PLCXD3: variants seen among roughly 807,000 people sequenced by gnomAD.
The protein encoded by PLCXD3 is PI-PLC X domain-containing protein 3.
PLCXD3 carries 19 observed loss-of-function variants against 25.5 expected under a neutral mutation model. The observed-to-expected ratio is 0.75, with a 90% CI of 0.52 to 1.09. The LOEUF is 1.09. Among genes scored for constraint, PLCXD3 ranks in the 50% least tolerant of loss-of-function variants. PLCXD3 has a pLI of 0.00. For synonymous variants in PLCXD3, 174 were observed against 137.6 expected (o/e 1.26, Z -1.85); for missense variants, 411 against 388.1 (o/e 1.06, Z -0.50).
intron 2 of PLCXD3, among the ~76,000 whole-genome samples, chr5:41,371,851 A>T (rs1745105222): frequency 6.6e-6 from 1 of 152,108 alleles, no homozygotes; most frequent in South Asian, 2.1e-4. Context: ...CCTTCTCATG[A>T]CCTTGGAATG....
At chr5:41,371,505 G>A (rs1745094557) in intron 2 of PLCXD3, among the ~76,000 whole-genome samples, 2 of 152,050 alleles carry the variant, frequency 1.3e-5, no homozygotes, top group African/African-American at 4.8e-5. Context: ...ATATAGACTT[G>A]TCCTTGCTTT....
At chr5:41,468,181 C>A (rs1255382710) in intron 1 of PLCXD3, among the ~76,000 whole-genome samples, 1 of 151,818 alleles carries the variant, frequency 6.6e-6, no homozygotes, top group Non-Finnish European at 1.5e-5. Context: ...CCTGGCCCAG[C>A]TGATTTTTGT....
At chr5:41,479,553 C>T (rs986569815) in intron 1 of PLCXD3, among the ~76,000 whole-genome samples, 10 of 152,086 alleles carry the variant, frequency 6.6e-5, no homozygotes, top group East Asian at 5.8e-4. Flanking sequence ...AGCTTAAAAA[C>T]ATAGATGTAT....
rs1456749051 is a variant in PLCXD3, at chr5:41,309,271, A to G, written c.*4346T>C. On this transcript the variant is annotated 3_prime_UTR_variant, in exon 3 of 3. Transcript: ENST00000377801. ...TTTTACAAATTCTACAGAACACTTTATCATTATCATTGGGAAAACAAACAA... is the reference window on the plus strand; with the variant it reads ...TTTTACAAATTCTACAGAACACTTTGTCATTATCATTGGGAAAACAAACAA... The G allele has an allele frequency of 6.6e-6, 1 of 152,624 alleles. No individual in the cohort carries two copies. Among genetic ancestry groups the G allele is most frequent in the Admixed American group, 6.6e-5 (1 of 15,258 alleles). The allele number at this position is 152,624 out of a possible 1,614,324, so 9.5% of individuals were successfully genotyped here.
chr5:41,432,380 T>C (rs965930043), intron 1 of PLCXD3, among the ~76,000 whole-genome samples: 13 of 152,188 alleles, frequency 8.5e-5, no homozygotes, highest in Admixed American at 7.2e-4. Context: ...GCTATCACTG[T>C]TTTTCTGCTG....
At position 41,342,135 on chromosome 5, in the gene PLCXD3, G is replaced by T. The variant is rs565414721; in HGVS notation, c.813-28365C>A. ...ATGCAGATGTGATTTTGAGGATACT[G>T]TGGCCTATAGGGTATCCATATATCC... On this transcript the variant is annotated intron_variant, in intron 2 of 2. Coordinates refer to ENST00000377801, the MANE Select transcript of PLCXD3 (RefSeq NM_001005473.3). Among the ~76,000 whole-genome samples, 46 of 152,272 alleles carry T rather than the reference G, an allele frequency of 3.0e-4. No homozygotes were observed. The East Asian group carries it at 7.9e-3, about 26-fold the overall frequency.
intron 1 of PLCXD3, among the ~76,000 whole-genome samples, chr5:41,401,551 C>A (rs773316513): frequency 2.0e-5 from 3 of 152,026 alleles, no homozygotes; most frequent in Non-Finnish European, 4.4e-5. Flanking sequence ...TTCCCGATTT[C>A]TCTATATGCC....
At chr5:41,354,633 T>C (rs983985973) in intron 2 of PLCXD3, among the ~76,000 whole-genome samples, 7 of 152,184 alleles carry the variant, frequency 4.6e-5, no homozygotes, top group Non-Finnish European at 8.8e-5. Context: ...GACTATATCA[T>C]GTACCTAGAT....
intron 1 of PLCXD3, among the ~76,000 whole-genome samples, chr5:41,504,128 C>A (rs1749009251): frequency 6.6e-6 from 1 of 152,094 alleles, no homozygotes; most frequent in Non-Finnish European, 1.5e-5. Flanking sequence ...GCTCTGTTTA[C>A]ATTATCCCAG....
At chr5:41,450,553 G>A (rs1747605467) in intron 1 of PLCXD3, among the ~76,000 whole-genome samples, 1 of 152,080 alleles carries the variant, frequency 6.6e-6, no homozygotes, top group South Asian at 2.1e-4. Flanking sequence ...GAAGCAGCTT[G>A]AAAGTTTCCT....
At chr5:41,390,865 G>A (rs1033813508) in intron 1 of PLCXD3, among the ~76,000 whole-genome samples, 2 of 152,200 alleles carry the variant, frequency 1.3e-5, no homozygotes, top group African/African-American at 4.8e-5. Flanking sequence ...CCCTACCCTG[G>A]CGGCAGTGGC....
At chr5:41,422,554 A>T (rs1746852503) in intron 1 of PLCXD3, among the ~76,000 whole-genome samples, 1 of 152,178 alleles carries the variant, frequency 6.6e-6, no homozygotes, top group African/African-American at 2.4e-5. Flanking sequence ...AAATTGAAAA[A>T]TTTGTTAGGA....
chr5:41,494,130 G>C (rs1291640185), intron 1 of PLCXD3, among the ~76,000 whole-genome samples: 1 of 152,206 alleles, frequency 6.6e-6, no homozygotes. Flanking sequence ...ACAGGGTCTT[G>C]CTCTAATGCC....
At chr5:41,487,970 G>T (rs1384080743) in intron 1 of PLCXD3, among the ~76,000 whole-genome samples, 4 of 151,462 alleles carry the variant, frequency 2.6e-5, no homozygotes, top group African/African-American at 4.9e-5. Flanking sequence ...ACAATGTGCA[G>T]GTTAGTTACA....
At chr5:41,334,936 G>T (rs1029119695) in intron 2 of PLCXD3, among the ~76,000 whole-genome samples, 1 of 152,226 alleles carries the variant, frequency 6.6e-6, no homozygotes, top group South Asian at 2.1e-4. Flanking sequence ...TTTTCCAGGG[G>T]AATGAAAGAA....
At chr5:41,399,426 A>T (rs1746111101) in intron 1 of PLCXD3, among the ~76,000 whole-genome samples, 5 of 152,166 alleles carry the variant, frequency 3.3e-5, no homozygotes. Context: ...AAGGAATCAC[A>T]ATACCTGACT....
intron 1 of PLCXD3, among the ~76,000 whole-genome samples, chr5:41,428,804 C>T (rs926891746): frequency 4.6e-5 from 7 of 152,022 alleles, no homozygotes; most frequent in Non-Finnish European, 7.4e-5. Flanking sequence ...GTTTTAGAGA[C>T]GCTTCATGCA....
At chr5:41,417,739 C>A (rs529985399) in intron 1 of PLCXD3, among the ~76,000 whole-genome samples, 1 of 152,168 alleles carries the variant, frequency 6.6e-6, no homozygotes, top group Non-Finnish European at 1.5e-5. Context: ...GCTGAGCAAA[C>A]CTGGAGGGTA....
chr5:41,429,409 GGAGA>G lies in PLCXD3; in HGVS notation c.104-46879_104-46876del, dbSNP rs575243753. Among the ~76,000 whole-genome samples, 19 of 151,462 alleles carry G rather than the reference GGAGA, an allele frequency of 1.3e-4. No homozygotes were observed. In the South Asian group the frequency reaches 1.9e-3, roughly 15 times the overall value. On this transcript the variant is annotated intron_variant, in intron 1 of 2. Coordinates refer to ENST00000377801, the MANE Select transcript of PLCXD3 (RefSeq NM_001005473.3). ...AGGGGAGGGAGGGAGAGAAGGCGGA[GGAGA>G]GAGAGAGAGAGACATTAATAATGTT...
Sources: allele counts gnomAD v4.1 joint callset (sites outside exome capture counted in the v4.1 genomes callset), GRCh38; gene constraint gnomAD v4.1.1; transcripts MANE v1.5; gene names NCBI Gene and HGNC (gene_info 2026-07-23, HGNC 2026-07-21).